DPY19L1: variants seen among roughly 807,000 people sequenced by gnomAD.
DPY19L1 encodes protein C-mannosyl-transferase DPY19L1.
In DPY19L1, 35 loss-of-function variants were observed where a neutral mutation model predicts 96.9. The ratio of observed to expected loss-of-function variants is 0.36; its 90% confidence interval spans 0.28 to 0.48. The LOEUF (loss-of-function observed/expected upper bound fraction) is 0.48. Ranked by LOEUF, DPY19L1 falls within the 20% of genes least tolerant of loss-of-function variation. DPY19L1 has a pLI of 0.99. For missense variants in DPY19L1, 521 were observed against 777.9 expected (o/e 0.67, Z 3.93); for synonymous variants, 205 against 252.6 (o/e 0.81, Z 1.79).
chr7:34,949,252 T>C (rs1784218335), intron 14 of DPY19L1, among the ~76,000 whole-genome samples: 1 of 152,216 alleles, frequency 6.6e-6, no homozygotes, highest in Non-Finnish European at 1.5e-5. Flanking sequence ...TATCTGTTTA[T>C]GGCATGCTAC....
chr7:34,941,321 T>G (rs1784008869), intron 18 of DPY19L1, among the ~76,000 whole-genome samples: 1 of 151,918 alleles, frequency 6.6e-6, no homozygotes, highest in African/African-American at 2.4e-5. Flanking sequence ...AGGCTTAAAC[T>G]AAATTTTAAA....
intron 6 of DPY19L1, among the ~76,000 whole-genome samples, chr7:35,002,880 T>C (rs1290368236): frequency 6.6e-6 from 1 of 152,210 alleles, no homozygotes; most frequent in African/African-American, 2.4e-5. Context: ...GCCATTCTCC[T>C]GCCTCAGCTT....
intron 7 of DPY19L1, among the ~76,000 whole-genome samples, chr7:34,983,308 T>C (rs1784979714): frequency 6.6e-6 from 1 of 151,928 alleles, no homozygotes; most frequent in Non-Finnish European, 1.5e-5. Context: ...AAAAAAACAG[T>C]CAATGGAGTT....
intron 1 of DPY19L1, among the ~76,000 whole-genome samples, chr7:35,019,952 A>G (rs1785953615): frequency 6.6e-6 from 1 of 152,112 alleles, no homozygotes; most frequent in Non-Finnish European, 1.5e-5. Flanking sequence ...TGAGGACAGG[A>G]GTTTAAATCT....
intron 7 of DPY19L1, among the ~76,000 whole-genome samples, chr7:34,982,039 C>T (rs1187817567): frequency 6.6e-6 from 1 of 152,080 alleles, no homozygotes; most frequent in Non-Finnish European, 1.5e-5. Flanking sequence ...GAGACGTCTA[C>T]AAAATAATTA....
chr7:35,024,169 A>G (rs329250), intron 1 of DPY19L1, among the ~76,000 whole-genome samples: 102,569 of 151,970 alleles, frequency 0.67, 35,588 homozygotes, highest in African/African-American at 0.82. Context: ...AATGATACAC[A>G]TTATCATGTT....
chr7:34,983,183 G>A (rs1584235984), intron 7 of DPY19L1, among the ~76,000 whole-genome samples: 3 of 152,056 alleles, frequency 2.0e-5, no homozygotes, highest in East Asian at 3.9e-4. Flanking sequence ...GGAAATTGAA[G>A]CAAAAATGAT....
At chr7:34,985,800 A>G (rs780058489) in intron 7 of DPY19L1, among the ~76,000 whole-genome samples, 1 of 152,072 alleles carries the variant, frequency 6.6e-6, no homozygotes, top group Admixed American at 6.6e-5. Flanking sequence ...TAGCAATCCC[A>G]CTTCAGAGTA....
At chr7:35,033,437 C>G (rs1279484271) in intron 1 of DPY19L1, among the ~76,000 whole-genome samples, 2 of 152,354 alleles carry the variant, frequency 1.3e-5, no homozygotes, top group Admixed American at 1.3e-4. Context: ...ACCCCACCAA[C>G]TAGCATCTGG....
chr7:34,960,735 C>G (rs769506994), intron 10 of DPY19L1, among the ~76,000 whole-genome samples: 17 of 152,050 alleles, frequency 1.1e-4, no homozygotes, highest in Non-Finnish European at 1.8e-4. Context: ...ACTAGTTTTT[C>G]TTTTGAGGTG....
intron 8 of DPY19L1, among the ~76,000 whole-genome samples, chr7:34,971,747 A>G (rs1214436972): frequency 1.3e-5 from 2 of 152,214 alleles, no homozygotes; most frequent in Non-Finnish European, 2.9e-5. Context: ...ACCTGGAGCC[A>G]AAAACAGAGA....
chr7:34,931,524 T>C lies in DPY19L1; in HGVS notation c.*49A>G. The C allele has an allele frequency of 6.8e-7, 1 of 1,462,624 alleles. No homozygotes were observed. The highest frequency in any genetic ancestry group is 9.0e-7 in the Non-Finnish European group (1 of 1,106,330). 90.6% of individuals were successfully genotyped at this position (1,462,624 alleles called of 1,614,324 possible). ...AACAACACATGACTTAGCAAAACAT[T>C]AAAACCATTACAGATGTAGTTCTCC... On this transcript the variant is annotated 3_prime_UTR_variant, in exon 22 of 22. Coordinates refer to ENST00000638088, the MANE Select transcript of DPY19L1 (RefSeq NM_001366673.1).
At chr7:34,940,366 TAAG>T in intron 18 of DPY19L1, 39 bp from the exon 19 acceptor site, 2 of 1,562,072 alleles carry the variant, frequency 1.3e-6, no homozygotes, top group Non-Finnish European at 8.7e-7. Context: ...ATTGTTAGTA[TAAG>T]TAGTATGCAT....
At chr7:34,947,745 C>G (rs775673100) in intron 14 of DPY19L1, 44 bp from the exon 15 acceptor site, 1 of 1,487,544 alleles carries the variant, frequency 6.7e-7, no homozygotes, top group South Asian at 1.2e-5. Context: ...ACATTTTAAC[C>G]AAACAAAATT....
At chr7:35,037,883 G>T (rs1005801565), upstream of DPY19L1, 3 of 1,238,548 alleles carry the variant, frequency 2.4e-6, no homozygotes, top group Admixed American at 8.5e-5. Flanking sequence ...TTCCGGAGGC[G>T]GCCGCCCTTC....
intron 10 of DPY19L1, among the ~76,000 whole-genome samples, chr7:34,963,690 G>A (rs1247497159): frequency 6.8e-6 from 1 of 146,460 alleles, no homozygotes; most frequent in Non-Finnish European, 1.5e-5. Context: ...GAATGGATAA[G>A]CAGAATCGTG....
chr7:34,952,947 T>A (rs888152981), intron 13 of DPY19L1, among the ~76,000 whole-genome samples: 1 of 152,158 alleles, frequency 6.6e-6, no homozygotes, highest in African/African-American at 2.4e-5. Flanking sequence ...CATTTTTACC[T>A]AGGTTGCTCC....
chr7:34,986,690 T>C (rs1785055130), intron 7 of DPY19L1, among the ~76,000 whole-genome samples: 1 of 152,000 alleles, frequency 6.6e-6, no homozygotes, highest in Admixed American at 6.6e-5. Context: ...CTCAGTTCAG[T>C]GGAAAAATAT....
intron 18 of DPY19L1, among the ~76,000 whole-genome samples, chr7:34,941,560 A>T (rs1239459822): frequency 2.6e-5 from 4 of 152,256 alleles, no homozygotes; most frequent in African/African-American, 4.8e-5. Flanking sequence ...AATCGGTATT[A>T]GTTGTACACC....
Sources: allele counts gnomAD v4.1 joint callset (sites outside exome capture counted in the v4.1 genomes callset), GRCh38; gene constraint gnomAD v4.1.1; transcripts MANE v1.5; gene names NCBI Gene and HGNC (gene_info 2026-07-23, HGNC 2026-07-21).